Variants in RAPGEF5 observed in about 807,000 individuals in gnomAD.
RAPGEF5 encodes Rap guanine nucleotide exchange factor 5.
A neutral mutation model predicts 125.2 loss-of-function variants in RAPGEF5; 65 were observed. The observed-to-expected ratio is 0.52, with a 90% CI of 0.43 to 0.64. RAPGEF5 has a LOEUF of 0.64. RAPGEF5 is among the 30% of genes least tolerant of loss of function. The pLI is 0.00. For missense variants in RAPGEF5, 958 were observed against 1,048.1 expected, an observed-to-expected ratio of 0.91 and a Z score of 1.19; for synonymous variants, 391 against 385.9, an observed-to-expected ratio of 1.01 and a Z score of -0.16.
chr7:22,140,219 G>A lies in RAPGEF5; in HGVS notation c.2187-104C>T, dbSNP rs114807464. On this transcript the variant is annotated intron_variant, in intron 20 of 25. Coordinates refer to ENST00000665637, the MANE Select transcript of RAPGEF5 (RefSeq NM_012294.5). ...GACCCTCCTAGGCCACAGAGCTCAG[G>A]AATTCTGCTCTACAGCCTACGTACC... The A allele has an allele frequency of 4.6e-3, 4,707 of 1,033,020 alleles. 155 individuals carry two copies. In the African/African-American group the frequency reaches 0.066, roughly 15 times the overall value. The allele number at this position is 1,033,020 out of a possible 1,614,324, so 64.0% of individuals were successfully genotyped here.
At chr7:22,145,968 G>C (rs564002646) in intron 19 of RAPGEF5, among the ~76,000 whole-genome samples, 1 of 88,656 alleles carries the variant, frequency 1.1e-5, no homozygotes, top group African/African-American at 5.4e-5. Context: ...GTTTGTGTGC[G>C]TGTGTGTGTG....
intron 1 of RAPGEF5, among the ~76,000 whole-genome samples, chr7:22,319,509 A>T (rs1266309083): frequency 6.6e-6 from 1 of 152,218 alleles, no homozygotes; most frequent in Non-Finnish European, 1.5e-5. Context: ...TTCAAAGAAA[A>T]TAAATTTTAT....
rs1583481891 is a variant in RAPGEF5 at position 22,206,919 on chromosome 7, CA to C, written c.997-12887del. On this transcript the variant is annotated intron_variant, in intron 9 of 25. Coordinates refer to ENST00000665637, the MANE Select transcript of RAPGEF5 (RefSeq NM_012294.5). ...AAATATGACAAAATTTTATATCCTT[CA>C]TATGTAAATAACTTGTCCAAATCAA... Among the ~76,000 whole-genome samples, 3 of 152,136 alleles carry C rather than the reference CA, an allele frequency of 2.0e-5. No homozygotes were observed. The East Asian group carries it at 5.8e-4, about 29-fold the overall frequency.
At chr7:22,162,313 C>A in intron 13 of RAPGEF5, 84 bp downstream of exon 13, 1 of 1,381,362 alleles carries the variant, frequency 7.2e-7, no homozygotes, top group South Asian at 1.3e-5. Flanking sequence ...ATGACTGTTA[C>A]CTACAAATGA....
At chr7:22,135,428 C>T (rs1406533294) in intron 23 of RAPGEF5, among the ~76,000 whole-genome samples, 2 of 152,286 alleles carry the variant, frequency 1.3e-5, no homozygotes, top group African/African-American at 4.8e-5. Context: ...TCACTGAAAT[C>T]TCATCAATAA....
chr7:22,213,548 G>C lies in RAPGEF5; in HGVS notation c.996+6318C>G, dbSNP rs533115747. Among the ~76,000 whole-genome samples, 46 of 152,204 alleles carry C rather than the reference G, an allele frequency of 3.0e-4. No individual in the cohort carries two copies. The South Asian group carries it at 4.8e-3, about 16-fold the overall frequency. On this transcript the variant is annotated intron_variant, in intron 9 of 25. Coordinates refer to ENST00000665637, the MANE Select transcript of RAPGEF5 (RefSeq NM_012294.5). ...ACTTCTACTTTTTTGTTACTCTGTGGCCATATTATTCCCTATTAAAAATGG... is the reference window on the plus strand; with the variant it reads ...ACTTCTACTTTTTTGTTACTCTGTGCCCATATTATTCCCTATTAAAAATGG...
At chr7:22,315,741 T>C (rs1783575634) in intron 2 of RAPGEF5, among the ~76,000 whole-genome samples, 2 of 151,892 alleles carry the variant, frequency 1.3e-5, no homozygotes. Context: ...TTTATTTAAC[T>C]ACAGTTATAA....
chr7:22,340,979 T>A (rs965982088), intron 1 of RAPGEF5, among the ~76,000 whole-genome samples: 1 of 152,216 alleles, frequency 6.6e-6, no homozygotes, highest in Non-Finnish European at 1.5e-5. Flanking sequence ...CGAGGTGACT[T>A]ATCATTATGG....
chr7:22,258,918 A>G (rs1006118997), intron 7 of RAPGEF5, among the ~76,000 whole-genome samples: 6 of 152,228 alleles, frequency 3.9e-5, no homozygotes, highest in African/African-American at 1.4e-4. Context: ...CTCCTAGACT[A>G]TAACATAGGA....
At chr7:22,312,858 G>C (rs1156904309) in intron 3 of RAPGEF5, among the ~76,000 whole-genome samples, 1 of 152,202 alleles carries the variant, frequency 6.6e-6, no homozygotes, top group Admixed American at 6.5e-5. Context: ...AGGTGGTGTT[G>C]TCTCTGCATT....
At chr7:22,218,870 CAACT>C (rs1785706303) in intron 9 of RAPGEF5, among the ~76,000 whole-genome samples, 1 of 152,088 alleles carries the variant, frequency 6.6e-6, no homozygotes, top group African/African-American at 2.4e-5. Context: ...CTTGAGACAC[CAACT>C]GTTACAATTC....
At position 22,118,928 on chromosome 7, in the gene RAPGEF5, G is replaced by A. The variant is rs1330270396; in HGVS notation, c.*3478C>T. The stretch of plus-strand genomic sequence containing the variant: ...CCCCCACCAGTTTTAAGCAAAACTG[G>A]CCCACTCGCTAAGAAGCAGGCTGAA... On this transcript the variant is annotated 3_prime_UTR_variant, in exon 26 of 26. Transcript: ENST00000665637. The A allele has an allele frequency of 3.5e-5, 4 of 113,518 alleles. No homozygotes were observed. Among genetic ancestry groups the A allele is most frequent in the Non-Finnish European group, 6.5e-5 (4 of 61,118 alleles). 7.0% of individuals were successfully genotyped at this position (113,518 alleles called of 1,614,324 possible). A position where few individuals can be genotyped will look rare whatever the true frequency, so the allele number is the denominator to read the frequency against.
intron 9 of RAPGEF5, among the ~76,000 whole-genome samples, chr7:22,211,840 A>G (rs7780366): frequency 0.72 from 109,381 of 151,954 alleles, 39,772 homozygotes; most frequent in African/African-American, 0.82. Context: ...CAGCTCCTGC[A>G]CCTTCTTCAC....
intron 1 of RAPGEF5, among the ~76,000 whole-genome samples, chr7:22,349,567 A>T (rs1178952027): frequency 2.0e-5 from 3 of 152,176 alleles, no homozygotes; most frequent in Non-Finnish European, 4.4e-5. Flanking sequence ...ATTACCCTTG[A>T]TTATATTAAT....
At chr7:22,354,512 G>A (rs1260054148) in intron 1 of RAPGEF5, among the ~76,000 whole-genome samples, 1 of 152,164 alleles carries the variant, frequency 6.6e-6, no homozygotes, top group African/African-American at 2.4e-5. Flanking sequence ...TATTCTACTT[G>A]TATCTCTCTT....
chr7:22,322,188 T>G (rs1583577878), intron 1 of RAPGEF5, among the ~76,000 whole-genome samples: 1 of 151,682 alleles, frequency 6.6e-6, no homozygotes, highest in East Asian at 1.9e-4. Context: ...CAGGCTGGAG[T>G]GCAGTAGCAC....
intron 20 of RAPGEF5, among the ~76,000 whole-genome samples, chr7:22,143,729 C>T (rs915183206): frequency 1.3e-5 from 2 of 152,190 alleles, no homozygotes; most frequent in African/African-American, 4.8e-5. Context: ...TCCTGCTTCC[C>T]ACACCCTTGG....
intron 5 of RAPGEF5, among the ~76,000 whole-genome samples, chr7:22,304,980 G>C (rs1833110): frequency 0.2 from 30,146 of 152,090 alleles, 3,325 homozygotes; most frequent in African/African-American, 0.31. Flanking sequence ...CCAGAGCTTA[G>C]TCTAACACTT....
At chr7:22,167,600 C>A (rs1177167846) in intron 11 of RAPGEF5, among the ~76,000 whole-genome samples, 2 of 152,096 alleles carry the variant, frequency 1.3e-5, no homozygotes, top group African/African-American at 4.8e-5. Flanking sequence ...AGGGCAAGAA[C>A]AATGAATAAT....
Sources: allele counts gnomAD v4.1 joint callset (sites outside exome capture counted in the v4.1 genomes callset), GRCh38; gene constraint gnomAD v4.1.1; transcripts MANE v1.5; gene names NCBI Gene and HGNC (gene_info 2026-07-23, HGNC 2026-07-21).